Variants in SMPDL3B observed in about 807,000 individuals in gnomAD.
The protein encoded by SMPDL3B is acid sphingomyelinase-like phosphodiesterase 3b.
In SMPDL3B, 31 loss-of-function variants were observed where a neutral mutation model predicts 37.9. That is an observed-to-expected ratio of 0.82 (90% CI 0.61 to 1.10). The LOEUF is 1.10. Among genes scored for constraint, SMPDL3B ranks in the 50% least tolerant of loss-of-function variants. The probability of loss-of-function intolerance (pLI) is 0.00; values close to 1 mark genes in which losing one functional copy is unlikely to be tolerated. For synonymous variants in SMPDL3B, 235 were observed against 242.6 expected, an observed-to-expected ratio of 0.97 and a Z score of 0.29; for missense variants, 525 against 597.8, an observed-to-expected ratio of 0.88 and a Z score of 1.27.
At chr1:27,955,219 A>G (rs2090489558) in intron 5 of SMPDL3B, among the ~76,000 whole-genome samples, 1 of 151,868 alleles carries the variant, frequency 6.6e-6, no homozygotes, top group African/African-American at 2.4e-5. Context: ...CATACATTTA[A>G]CTCTGTCCCC....
At chr1:27,944,406 G>A (rs2090388407) in intron 1 of SMPDL3B, among the ~76,000 whole-genome samples, 1 of 152,126 alleles carries the variant, frequency 6.6e-6, no homozygotes, top group Admixed American at 6.6e-5. Flanking sequence ...CCAGGCTGCA[G>A]TGCAGTGGCA....
At chr1:27,939,481 C>T (rs1025299116) in intron 1 of SMPDL3B, among the ~76,000 whole-genome samples, 5 of 152,112 alleles carry the variant, frequency 3.3e-5, no homozygotes, top group East Asian at 1.9e-4. Context: ...CTCCCAAGTA[C>T]GGAGAAATTA....
At chr1:27,954,579 T>A (rs2090483066) in intron 5 of SMPDL3B, 53 bp downstream of exon 5, 2 of 1,565,402 alleles carry the variant, frequency 1.3e-6, no homozygotes, top group South Asian at 2.3e-5. Context: ...CCTGCACAAG[T>A]CTCCCGCTTG....
chr1:27,955,599 G>T, intron 5 of SMPDL3B, 85 bp from the exon 6 acceptor site: 1 of 1,375,642 alleles, frequency 7.3e-7, no homozygotes, highest in Non-Finnish European at 1.0e-6. Context: ...ACCTGCCTTT[G>T]GGGCAATTTG....
intron 7 of SMPDL3B, among the ~76,000 whole-genome samples, chr1:27,957,436 G>A (rs1638322520): frequency 6.6e-6 from 1 of 152,128 alleles, no homozygotes; most frequent in South Asian, 2.1e-4. Context: ...ATCAGGCTTC[G>A]GAGGGTCAGT....
intron 4 of SMPDL3B, among the ~76,000 whole-genome samples, 168 bp from the exon 5 acceptor site, chr1:27,954,186 G>T (rs1456737728): frequency 6.6e-6 from 1 of 152,232 alleles, no homozygotes; most frequent in Non-Finnish European, 1.5e-5. Context: ...TTGAATCCAG[G>T]CCGCCTGGCT....
At position 27,953,211 on chromosome 1, in the gene SMPDL3B, CTAGAT is replaced by C; in HGVS notation, c.374-3_375del. The stretch of plus-strand genomic sequence containing the variant: ...TATTTTGATATTTCACCCTTTCTTC[CTAGAT>C]ACTAAAGTCTATGCTGCTTTGGGAA... On this transcript the variant is annotated splice_acceptor_variant and splice_polypyrimidine_tract_variant and coding_sequence_variant and intron_variant, in exon 4 of 8. Transcript: ENST00000373894. LOFTEE classifies it high-confidence loss of function. The C allele has an allele frequency of 6.2e-7, 1 of 1,605,954 alleles. No homozygotes were observed. Among genetic ancestry groups the C allele is most frequent in the Non-Finnish European group, 8.5e-7 (1 of 1,177,328 alleles).
chr1:27,954,315 A>G, intron 4 of SMPDL3B, 39 bp from the exon 5 acceptor site: 1 of 1,584,048 alleles, frequency 6.3e-7, no homozygotes, highest in Non-Finnish European at 8.6e-7. Context: ...GTCTGGCCAG[A>G]GGTGGGGGCC....
intron 1 of SMPDL3B, among the ~76,000 whole-genome samples, chr1:27,939,716 G>T (rs1222501803): frequency 1.3e-5 from 2 of 152,148 alleles, no homozygotes; most frequent in Admixed American, 6.5e-5. Context: ...AGCTACTTGG[G>T]GGACTAAGGT....
In SMPDL3B at chr1:27,945,295, T is replaced by A. The variant is rs1002336053; in HGVS notation, c.125T>A (p.Phe42Tyr). 4 of 1,614,156 alleles carry A rather than the reference T, an allele frequency of 2.5e-6. No homozygotes were observed. In the African/African-American group the frequency reaches 5.3e-5, roughly 22 times the overall value. ...GACTACAAGGTATCCAAAGACCCCT[T>A]CCAGGTGTGCCCATCAGCTGGATCC... ...DPDYKVSKDP[F>Y]QVCPSAGSQP... The change falls in exon 2 of 8, where the codon TTC (phenylalanine) becomes TAC (tyrosine). Residue 42 changes from phenylalanine (F) to tyrosine (Y), a missense_variant. Physicochemically the swap from Phe to Tyr is conservative, Grantham distance 22. Transcript: ENST00000373894. This position sits in a 1 kb window ranked among gnomAD's most constrained non-coding sequence, Gnocchi z 4.0.
chr1:27,956,495 C>T (rs1638287970), intron 7 of SMPDL3B: 2 of 1,129,470 alleles, frequency 1.8e-6, no homozygotes, highest in South Asian at 3.1e-5. Context: ...AGGCTTCCCA[C>T]AGTCTGACTT....
At position 27,958,527 on chromosome 1, in the gene SMPDL3B, C is replaced by T. The variant is rs753643393; in HGVS notation, c.1057C>T (p.Pro353Ser). 1 of 1,613,702 alleles carries T rather than the reference C, an allele frequency of 6.2e-7. No homozygotes were observed. Among genetic ancestry groups the T allele is most frequent in the South Asian group, 1.1e-5 (1 of 91,032 alleles). The change falls in exon 8 of 8, where the codon CCG becomes TCG. Residue 353 changes from proline to serine, a missense_variant. Pro to Ser is a moderately conservative substitution (Grantham distance 74). Coordinates refer to ENST00000373894, the MANE Select transcript of SMPDL3B (RefSeq NM_014474.4). This position sits in a 1 kb window ranked among gnomAD's most constrained non-coding sequence, Gnocchi z 5.6. ...NLSQANAQGT[P>S]RWELEYQLTE... ...GAGCCAGGCGAATGCTCAGGGGACGCCGCGCTGGGAGCTCGAGTACCAGCT... is the reference window on the plus strand; with the variant it reads ...GAGCCAGGCGAATGCTCAGGGGACGTCGCGCTGGGAGCTCGAGTACCAGCT...
In SMPDL3B at chr1:27,949,055, T is replaced by A. The variant is rs1256028591; in HGVS notation, c.276-10T>A. On this transcript the variant is annotated splice_polypyrimidine_tract_variant and intron_variant, in intron 2 of 7. Transcript: ENST00000373894. Reference sequence around the variant, plus strand: ...TGCCTGCCCCAAATTGGCTTGGTGGTGTTTTGTAGTGATGACACGCCTCAT... The same window carrying A: ...TGCCTGCCCCAAATTGGCTTGGTGGAGTTTTGTAGTGATGACACGCCTCAT... 1.8e-5 allele frequency: 29 copies of A among 1,614,132 alleles called. No individual in the cohort carries two copies. Among genetic ancestry groups the A allele is most frequent in the Non-Finnish European group, 2.5e-5 (29 of 1,179,992 alleles).
Position 27,945,127 on chromosome 1 carries a change from T to C in SMPDL3B, c.62-105T>C. On this transcript the variant is annotated intron_variant, in intron 1 of 7. Transcript: ENST00000373894. The surrounding 1 kb of genome is among the most constrained non-coding windows in gnomAD (Gnocchi z 4.0). ...CGGGGTGCTCAGAGAAGACTTCCAT[T>C]TGCCTGTGTAACGCCCCTGCCCCAG... The C allele has an allele frequency of 9.6e-7, 1 of 1,036,674 alleles. No homozygotes were observed. Among genetic ancestry groups the C allele is most frequent in the South Asian group, 1.4e-5 (1 of 73,686 alleles). The allele number at this position is 1,036,674 out of a possible 1,614,324, so 64.2% of individuals were successfully genotyped here.
chr1:27,955,710 G>A lies in SMPDL3B; in HGVS notation c.717G>A (p.Pro239=), dbSNP rs1325638347. 9 of 1,613,898 alleles carry A rather than the reference G, an allele frequency of 5.6e-6. No individual in the cohort carries two copies. Among genetic ancestry groups the A allele is most frequent in the African/African-American group, 2.7e-5 (2 of 74,888 alleles). The change falls in exon 6 of 8, where the codon CCG becomes CCA. Residue 239 remains proline (P), a synonymous_variant. Transcript: ENST00000373894. ...TGTACATTGTCGGCCACGTGCCCCC[G>A]GGGTTCTTTGAGAAGACGCAAAACA... The part of the protein sequence containing the change: ...DMVYIVGHVP[P]GFFEKTQNKA...
Position 27,958,331 on chromosome 1 carries a change from C to T in SMPDL3B, c.1006-145C>T, listed in dbSNP as rs1571667973. On this transcript the variant is annotated intron_variant, in intron 7 of 7. Transcript: ENST00000373894. The surrounding 1 kb of genome is among the most constrained non-coding windows in gnomAD (Gnocchi z 5.6). Reference sequence around the variant, plus strand: ...TTCGATTCAGAGGATGTCTGCCAAGCACAATGGGTGCACAGCTAAGTGCTC... The same window carrying T: ...TTCGATTCAGAGGATGTCTGCCAAGTACAATGGGTGCACAGCTAAGTGCTC... The T allele has an allele frequency of 8.9e-7, 1 of 1,119,694 alleles. No homozygotes were observed. The highest frequency in any genetic ancestry group is 1.5e-5 in the South Asian group (1 of 64,828). 69.4% of individuals were successfully genotyped at this position (1,119,694 alleles called of 1,614,324 possible).
At chr1:27,949,013 T>A in intron 2 of SMPDL3B, 52 bp from the exon 3 acceptor site, 1 of 1,613,380 alleles carries the variant, frequency 6.2e-7, no homozygotes, top group Non-Finnish European at 8.5e-7. Flanking sequence ...TTCCTTTTCT[T>A]CTGCTGCTTC....
chr1:27,937,301 G>GT (rs1362529333), intron 1 of SMPDL3B, among the ~76,000 whole-genome samples: 1 of 152,210 alleles, frequency 6.6e-6, no homozygotes, highest in African/African-American at 2.4e-5. Flanking sequence ...AAGCAGACAG[G>GT]TTCTTCCCCT....
At chr1:27,948,214 C>G (rs2090426643) in intron 2 of SMPDL3B, among the ~76,000 whole-genome samples, 1 of 152,138 alleles carries the variant, frequency 6.6e-6, no homozygotes, top group African/African-American at 2.4e-5. Context: ...CTTTATCTGT[C>G]AAACGGGCCT....
Sources: allele counts gnomAD v4.1 joint callset (sites outside exome capture counted in the v4.1 genomes callset), GRCh38; gene constraint gnomAD v4.1.1; non-coding constraint Gnocchi (gnomAD v3.1); transcripts MANE v1.5; gene names NCBI Gene and HGNC (gene_info 2026-07-23, HGNC 2026-07-21).